LMO2: variants seen among roughly 807,000 people sequenced by gnomAD.
The protein encoded by LMO2 is LIM domain only 2, also known as rhombotin-2.
A neutral mutation model predicts 23.2 loss-of-function variants in LMO2; 20 were observed. The ratio of observed to expected loss-of-function variants is 0.86; its 90% CI spans 0.61 to 1.25. The LOEUF (loss-of-function observed/expected upper bound fraction) is 1.25. LMO2 is among the 50% of genes most tolerant of loss of function. LMO2 has a pLI of 0.00. For synonymous variants in LMO2, 123 were observed against 130.2 expected, an observed-to-expected ratio of 0.94 and a Z score of 0.38; for missense variants, 270 against 315.3, an observed-to-expected ratio of 0.86 and a Z score of 1.09.
chr11:33,867,395 A>T (rs1387638331), intron 4 of LMO2, among the ~76,000 whole-genome samples: 1 of 152,230 alleles, frequency 6.6e-6, no homozygotes, highest in Non-Finnish European at 1.5e-5. Context: ...GAAGTAAAGT[A>T]TAAGATATTG....
chr11:33,870,721 A>G (rs553070233), intron 2 of LMO2, among the ~76,000 whole-genome samples: 59 of 152,336 alleles, frequency 3.9e-4, no homozygotes, highest in Non-Finnish European at 3.2e-4. Context: ...CCCCCCATGT[A>G]AAGTGCCAGT....
intron 2 of LMO2, chr11:33,881,286 A>G (rs1213686444): frequency 1.1e-5 from 5 of 456,820 alleles, no homozygotes; most frequent in African/African-American, 8.0e-5. Flanking sequence ...TCGCAAAGGA[A>G]GAGCTATTAA....
At chr11:33,889,002 T>G (rs1436900187) in intron 1 of LMO2, among the ~76,000 whole-genome samples, 1 of 152,246 alleles carries the variant, frequency 6.6e-6, no homozygotes, top group Admixed American at 6.5e-5. Context: ...CTACAAAGCC[T>G]GTCCTATTTC....
At chr11:33,874,417 G>T (rs1304341719) in intron 2 of LMO2, among the ~76,000 whole-genome samples, 4 of 152,220 alleles carry the variant, frequency 2.6e-5, no homozygotes, top group African/African-American at 9.6e-5. Context: ...TCAAATGGAG[G>T]ATGGAGGCAA....
chr11:33,872,350 G>A (rs780876104), intron 2 of LMO2, among the ~76,000 whole-genome samples: 2 of 152,140 alleles, frequency 1.3e-5, no homozygotes, highest in African/African-American at 4.8e-5. Context: ...AAATGGAGAC[G>A]ACAGAACCTA....
intron 4 of LMO2, among the ~76,000 whole-genome samples, chr11:33,867,749 T>C (rs1856840139): frequency 6.6e-6 from 1 of 152,200 alleles, no homozygotes; most frequent in Non-Finnish European, 1.5e-5. Flanking sequence ...ATGTTTCAGT[T>C]TCTAACCTCA....
intron 5 of LMO2, among the ~76,000 whole-genome samples, chr11:33,862,443 C>G (rs1386046199): frequency 6.6e-6 from 1 of 152,198 alleles, no homozygotes; most frequent in Non-Finnish European, 1.5e-5. Flanking sequence ...AGATCTGGCT[C>G]AGCACAGACA....
rs57617009 is a variant in LMO2 at position 33,891,346 on chromosome 11, A to AACACACACAC, written c.-336+439_-336+448dup. 6.4e-3 allele frequency among the ~76,000 whole-genome samples: 794 copies of AACACACACAC among 125,026 alleles called. 6 individuals carry two copies. Among genetic ancestry groups the AACACACACAC allele is most frequent in the Middle Eastern group, 0.028 (7 of 254 alleles). 82.0% of individuals were successfully genotyped at this position (125,026 alleles called of 152,430 possible). On this transcript the variant is annotated intron_variant, in intron 1 of 5. Coordinates refer to ENST00000257818, the MANE Select transcript of LMO2 (RefSeq NM_005574.4). ...CGTCATTGCCTAAGGTTGTTAGGCA[A>AACACACACAC]ACACACACACACACACACACACACA...
At chr11:33,870,040 C>T in intron 2 of LMO2, 53 bp from the exon 3 acceptor site, 1 of 730,502 alleles carries the variant, frequency 1.4e-6, no homozygotes, top group Non-Finnish European at 1.7e-6. Context: ...GAGACAGCTG[C>T]CCGGTCCCCC....
At chr11:33,883,699 T>C (rs1565036430) in intron 1 of LMO2, among the ~76,000 whole-genome samples, 1 of 152,128 alleles carries the variant, frequency 6.6e-6, no homozygotes, top group Non-Finnish European at 1.5e-5. Context: ...GGCTTGTACT[T>C]TGAGCTATAC....
chr11:33,876,615 T>C (rs1857143570), intron 2 of LMO2, among the ~76,000 whole-genome samples: 1 of 152,206 alleles, frequency 6.6e-6, no homozygotes, highest in African/African-American at 2.4e-5. Context: ...GATCAGGCTC[T>C]TGGCTCCCAG....
At chr11:33,874,622 A>G (rs184538091) in intron 2 of LMO2, among the ~76,000 whole-genome samples, 1 of 152,358 alleles carries the variant, frequency 6.6e-6, no homozygotes, top group Admixed American at 6.5e-5. Flanking sequence ...TCAGGAAGCA[A>G]CAATCTCCCA....
At chr11:33,881,584 T>C (rs1857285239) in intron 2 of LMO2, 1 of 359,714 alleles carries the variant, frequency 2.8e-6, no homozygotes, top group South Asian at 2.1e-5. Flanking sequence ...ATCTAAAAAA[T>C]TATTATACAC....
At position 33,864,169 on chromosome 11, in the gene LMO2, C is replaced by A. The variant is rs1024284874; in HGVS notation, c.464+433G>T. 1.3e-5 allele frequency among the ~76,000 whole-genome samples: 2 copies of A among 151,822 alleles called. No homozygotes were observed. The highest frequency in any genetic ancestry group is 2.4e-5 in the African/African-American group (1 of 41,322). ...CTCATCATATAATACTGGAGTCATA[C>A]AAAAAAAATTTATAACATACATATA... On this transcript the variant is annotated intron_variant, in intron 5 of 5. Coordinates refer to ENST00000257818, the MANE Select transcript of LMO2 (RefSeq NM_005574.4). This position sits in a 1 kb window ranked among gnomAD's most constrained non-coding sequence, Gnocchi z 4.8.
chr11:33,890,192 A>T (rs1209824906), intron 1 of LMO2, among the ~76,000 whole-genome samples: 1 of 152,118 alleles, frequency 6.6e-6, no homozygotes, highest in Non-Finnish European at 1.5e-5. Context: ...ATGTGGTGAT[A>T]TCAATCTGGT....
intron 4 of LMO2, chr11:33,865,117 G>A (rs1856735865): frequency 2.2e-6 from 1 of 453,942 alleles, no homozygotes; most frequent in Admixed American, 3.4e-5. Context: ...GCACTACCTG[G>A]GCACCTCTGG....
chr11:33,861,261 T>C (rs79130222), intron 5 of LMO2, among the ~76,000 whole-genome samples: 5,197 of 152,292 alleles, frequency 0.034, 184 homozygotes, highest in East Asian at 0.17. Flanking sequence ...TAGGACAGTT[T>C]TAGGTGAATG....
rs756001912 is a variant in LMO2 at position 33,859,559 on chromosome 11, C to T, written c.481G>A (p.Gly161Ser). Residue 161 changes from glycine (G) to serine (S), a missense_variant, in exon 6 of 6, where the codon GGT (glycine) becomes AGT (serine). Gly to Ser is a moderately conservative substitution (Grantham distance 56). Coordinates refer to ENST00000257818, the MANE Select transcript of LMO2 (RefSeq NM_005574.4). ...RDYLRLFGQD[G>S]LCASCDKRIR... is the part of the protein sequence containing the mutation. ...CGCTTGTCACAGGATGCGCAGAGAC[C>T]GTCTTGCCCAAAAAGCCTGGGGCAA... is the stretch of plus-strand genomic sequence containing the variant. The T allele has an allele frequency of 2.5e-6, 4 of 1,613,908 alleles. No homozygotes were observed. The highest frequency in any genetic ancestry group is 2.2e-5 in the South Asian group (2 of 91,050).
At chr11:33,877,394 A>G (rs913540978) in intron 2 of LMO2, among the ~76,000 whole-genome samples, 17 of 149,560 alleles carry the variant, frequency 1.1e-4, no homozygotes, top group Admixed American at 2.0e-4. Flanking sequence ...AAGGGCACTG[A>G]GCCTGGCAGG....
Sources: gnomAD v4.1 joint callset for allele counts (sites outside exome capture counted in the v4.1 genomes callset) on GRCh38, gnomAD v4.1.1 for gene constraint, Gnocchi (gnomAD v3.1) non-coding constraint, MANE v1.5 for transcripts, NCBI Gene and HGNC (gene_info 2026-07-23, HGNC 2026-07-21) for gene names.